The following PLXNA2 variants were observed in gnomAD, a reference collection of about 807,000 sequenced individuals.
PLXNA2 encodes plexin-A2.
In PLXNA2, 91 loss-of-function variants were observed where a neutral mutation model predicts 193.5. The ratio of observed to expected loss-of-function variants is 0.47; its 90% confidence interval spans 0.40 to 0.56. The LOEUF (loss-of-function observed/expected upper bound fraction) is 0.56, where lower values mean the gene tolerates loss of function less well. Among genes scored for constraint, PLXNA2 ranks in the 20% least tolerant of loss-of-function variants. The probability of loss-of-function intolerance (pLI) is 0.00; values close to 1 mark genes in which losing one functional copy is unlikely to be tolerated. For missense variants in PLXNA2, 1,995 were observed against 2,503.2 expected (o/e 0.80, Z 4.33); for synonymous variants, 997 against 1,027.3 (o/e 0.97, Z 0.56).
At chr1:208,099,096 T>G in intron 5 of PLXNA2, 127 bp from the exon 6 acceptor site, 3 of 1,181,200 alleles carry the variant, frequency 2.5e-6, no homozygotes, top group Non-Finnish European at 3.6e-6. Flanking sequence ...AGAAGACTTT[T>G]ACTGTACTCC....
At chr1:208,086,775 C>A (rs576806335) in intron 9 of PLXNA2, among the ~76,000 whole-genome samples, 46 of 111,766 alleles carry the variant, frequency 4.1e-4, no homozygotes, top group African/African-American at 1.2e-3. Flanking sequence ...CAGACTCTTT[C>A]ATATATTTAT....
rs1664736939 is a variant in PLXNA2, at chr1:208,038,264, A to G, written c.4764+107T>C. On this transcript the variant is annotated intron_variant, in intron 26 of 31. Coordinates refer to ENST00000367033, the MANE Select transcript of PLXNA2 (RefSeq NM_025179.4). This position sits in a 1 kb window ranked among gnomAD's most constrained non-coding sequence, Gnocchi z 4.1. The stretch of plus-strand genomic sequence containing the variant: ...TTCTATGCTCCAGCAGGAGGAGGAA[A>G]GCAGGGAGAGGAAAATCCTTTTTAG... 1.3e-6 allele frequency: 1 copy of G among 770,102 alleles called. No homozygotes were observed. Among genetic ancestry groups the G allele is most frequent in the Non-Finnish European group, 2.3e-6 (1 of 429,176 alleles). 47.7% of individuals were successfully genotyped at this position (770,102 alleles called of 1,614,324 possible). A position where few individuals can be genotyped will look rare whatever the true frequency, so the allele number is the denominator to read the frequency against.
intron 26 of PLXNA2, among the ~76,000 whole-genome samples, chr1:208,037,984 A>C (rs1437869278): frequency 6.6e-6 from 1 of 152,254 alleles, no homozygotes; most frequent in African/African-American, 2.4e-5. Context: ...CTGTGTTAGT[A>C]AGATGCTAAA....
intron 2 of PLXNA2, among the ~76,000 whole-genome samples, chr1:208,215,261 G>T (rs1382770522): frequency 1.3e-5 from 2 of 152,194 alleles, no homozygotes; most frequent in Non-Finnish European, 2.9e-5. Flanking sequence ...CTGCCAAAGT[G>T]CTGGGAGTAC....
chr1:208,057,805 C>T (rs550141490), intron 13 of PLXNA2, among the ~76,000 whole-genome samples: 6 of 152,276 alleles, frequency 3.9e-5, no homozygotes, highest in East Asian at 1.9e-4. Context: ...AGGGGGCTTC[C>T]GGAGGCACCT....
Position 208,028,216 on chromosome 1 carries a change from C to G in PLXNA2, c.5439-57G>C. On this transcript the variant is annotated intron_variant, in intron 30 of 31. Transcript: ENST00000367033. This position sits in a 1 kb window ranked among gnomAD's most constrained non-coding sequence, Gnocchi z 4.2. Reference sequence around the variant, plus strand: ...GGCCTCAGCAAACATTTACCTATAGCTACCCCGGGCCCAGGTCCTTCGAGG... The same window carrying G: ...GGCCTCAGCAAACATTTACCTATAGGTACCCCGGGCCCAGGTCCTTCGAGG... 1.3e-6 allele frequency: 2 copies of G among 1,517,794 alleles called. No individual in the cohort carries two copies. Among genetic ancestry groups the G allele is most frequent in the Middle Eastern group, 1.8e-4 (1 of 5,552 alleles). The allele number at this position is 1,517,794 out of a possible 1,614,324, so 94.0% of individuals were successfully genotyped here.
intron 28 of PLXNA2, chr1:208,032,040 G>C (rs1185717635): frequency 1.0e-6 from 1 of 984,910 alleles, no homozygotes; most frequent in Admixed American, 6.2e-5. Context: ...CAGGAAGACA[G>C]GAAGTGCCCC....
chr1:208,044,415 T>G lies in PLXNA2; in HGVS notation c.3874+93A>C. 3.5e-6 allele frequency: 3 copies of G among 852,540 alleles called. No individual in the cohort carries two copies. The highest frequency in any genetic ancestry group is 5.8e-6 in the Non-Finnish European group (3 of 519,844). 52.8% of individuals were successfully genotyped at this position (852,540 alleles called of 1,614,324 possible). On this transcript the variant is annotated intron_variant, in intron 20 of 31. Transcript: ENST00000367033. This position sits in a 1 kb window ranked among gnomAD's most constrained non-coding sequence, Gnocchi z 4.9. ...AATGCAGAGGCATGGCTGGCAGCGA[T>G]GGGAGTAAAGATAGGAGTTGTCTGC...
chr1:208,164,319 G>A (rs1485567275), intron 3 of PLXNA2, among the ~76,000 whole-genome samples: 1 of 152,180 alleles, frequency 6.6e-6, no homozygotes, highest in Non-Finnish European at 1.5e-5. Context: ...GGAGGCGGAA[G>A]AGGAGAAACA....
chr1:208,217,711 T>C lies in PLXNA2; in HGVS notation c.212A>G (p.Tyr71Cys). The C allele has an allele frequency of 2.5e-6, 4 of 1,614,216 alleles. No homozygotes were observed. Among genetic ancestry groups the C allele is most frequent in the Non-Finnish European group, 2.5e-6 (3 of 1,180,036 alleles). The change falls in exon 2 of 32, where the codon TAT becomes TGT. Residue 71 changes from tyrosine to cysteine, a missense_variant. Coordinates refer to ENST00000367033, the MANE Select transcript of PLXNA2 (RefSeq NM_025179.4). This position sits in a 1 kb window ranked among gnomAD's most constrained non-coding sequence, Gnocchi z 4.7. ...AVYVGAINRV[Y>C]KLTGNLTIQV... ...GATGGTCAGGTTGCCTGTCAGCTTA[T>C]AGACCCGGTTGATGGCCCCCACATA...
At chr1:208,040,330 C>T in intron 22 of PLXNA2, 1 of 484,562 alleles carries the variant, frequency 2.1e-6, no homozygotes, top group South Asian at 2.7e-5. Flanking sequence ...ACTTTGGCTG[C>T]ATCTGAGACA....
chr1:208,059,454 A>T (rs1168851116), intron 13 of PLXNA2, among the ~76,000 whole-genome samples: 1 of 152,144 alleles, frequency 6.6e-6, no homozygotes, highest in Non-Finnish European at 1.5e-5. Context: ...AGAGTCTGGG[A>T]ATTCACCCCT....
intron 12 of PLXNA2, among the ~76,000 whole-genome samples, chr1:208,072,473 C>G (rs1490304631): frequency 1.3e-5 from 2 of 152,228 alleles, no homozygotes; most frequent in Admixed American, 1.3e-4. Context: ...ACCCTGATCT[C>G]TGTTCTTGCC....
At chr1:208,110,058 C>T (rs1441149401) in intron 4 of PLXNA2, among the ~76,000 whole-genome samples, 2 of 152,216 alleles carry the variant, frequency 1.3e-5, no homozygotes, top group East Asian at 1.9e-4. Context: ...TACTATGCTT[C>T]CCTTGACACT....
chr1:208,070,382 G>A (rs999257356), intron 12 of PLXNA2, among the ~76,000 whole-genome samples: 1 of 152,118 alleles, frequency 6.6e-6, no homozygotes, highest in Non-Finnish European at 1.5e-5. Flanking sequence ...CCTCACCCAG[G>A]CAATATCCAC....
In PLXNA2 at chr1:208,022,905, C is replaced by G. The variant is rs569128435; in HGVS notation, c.*4338G>C. 17 of 152,278 alleles carry G rather than the reference C, an allele frequency of 1.1e-4. No homozygotes were observed. The highest frequency in any genetic ancestry group is 4.1e-4 in the African/African-American group (17 of 41,550). The allele number at this position is 152,278 out of a possible 1,614,324, so 9.4% of individuals were successfully genotyped here. A position where few individuals can be genotyped will look rare whatever the true frequency, so the allele number is the denominator to read the frequency against. Reference sequence around the variant, plus strand: ...TTGGGTGGAGGCCCTGTATGCCAAGCAGTGGCTGTGATCGTGTCTCAGGAC... The same window carrying G: ...TTGGGTGGAGGCCCTGTATGCCAAGGAGTGGCTGTGATCGTGTCTCAGGAC... On this transcript the variant is annotated 3_prime_UTR_variant, in exon 32 of 32. Transcript: ENST00000367033.
intron 3 of PLXNA2, among the ~76,000 whole-genome samples, chr1:208,201,881 G>T (rs546978539): frequency 2.0e-5 from 3 of 151,764 alleles, no homozygotes; most frequent in African/African-American, 7.2e-5. Context: ...TTTTTCCTTA[G>T]CACTTATCAC....
chr1:208,097,998 C>A (rs181740506), intron 6 of PLXNA2, among the ~76,000 whole-genome samples: 9 of 152,246 alleles, frequency 5.9e-5, no homozygotes, highest in Admixed American at 5.9e-4. Context: ...AGCCACCGCG[C>A]CCAGCCTGTA....
intron 3 of PLXNA2, among the ~76,000 whole-genome samples, chr1:208,143,293 C>A (rs1235083627): frequency 6.6e-6 from 1 of 152,212 alleles, no homozygotes; most frequent in Non-Finnish European, 1.5e-5. Context: ...GCAGTTCTCA[C>A]ACTAGTGTGT....
Sources: allele counts gnomAD v4.1 joint callset (sites outside exome capture counted in the v4.1 genomes callset), GRCh38; gene constraint gnomAD v4.1.1; non-coding constraint Gnocchi (gnomAD v3.1); transcripts MANE v1.5; gene names NCBI Gene and HGNC (gene_info 2026-07-23, HGNC 2026-07-21).